Variants in AFF3 observed in about 807,000 individuals in gnomAD.
AFF3 encodes ALF transcription elongation factor 3.
Under a neutral mutation model 129.7 loss-of-function variants are expected in AFF3, and 32 were observed. That is an observed-to-expected ratio of 0.25 (90% CI 0.19 to 0.33). The LOEUF (loss-of-function observed/expected upper bound fraction) is 0.33, where lower values mean the gene tolerates loss of function less well. Among genes scored for constraint, AFF3 ranks in the 10% least tolerant of loss-of-function variants. The probability of loss-of-function intolerance (pLI) is 1.00; values close to 1 mark genes in which losing one functional copy is unlikely to be tolerated. For synonymous variants in AFF3, 644 were observed against 635.4 expected (o/e 1.01, Z -0.20); for missense variants, 1,373 against 1,592.0 (o/e 0.86, Z 2.34).
At chr2:99,553,917 C>CAAAAAAAAAAAAAAAAAAAAAAAAAAAA (rs1674649199) in intron 24 of AFF3, among the ~76,000 whole-genome samples, 1 of 72,452 alleles carries the variant, frequency 1.4e-5, no homozygotes, top group Non-Finnish European at 2.4e-5. Flanking sequence ...CTGTCTCAAA[C>CAAAAAAAAAAAAAAAAAAAAAAAAAAAA]CAAAAAAAAA....
intron 8 of AFF3, among the ~76,000 whole-genome samples, chr2:99,790,583 C>T (rs536192676): frequency 6.6e-6 from 1 of 152,172 alleles, no homozygotes; most frequent in Non-Finnish European, 1.5e-5. Flanking sequence ...AGGTTTCAAA[C>T]AGGGGCAATG....
At chr2:99,621,886 G>T (rs1357776199) in intron 13 of AFF3, among the ~76,000 whole-genome samples, 1 of 152,146 alleles carries the variant, frequency 6.6e-6, no homozygotes, top group Non-Finnish European at 1.5e-5. Flanking sequence ...AGGGCGAGTT[G>T]TGTGGGGGAA....
chr2:100,119,072 G>T (rs1691846658), intron 2 of AFF3, among the ~76,000 whole-genome samples: 1 of 152,214 alleles, frequency 6.6e-6, no homozygotes, highest in South Asian at 2.1e-4. Flanking sequence ...GAAGTGCTGG[G>T]ATTACAGACG....
chr2:100,104,592 C>A, intron 3 of AFF3, 74 bp from the exon 4 acceptor site: 2 of 1,009,362 alleles, frequency 2.0e-6, no homozygotes, highest in Non-Finnish European at 2.4e-6. Flanking sequence ...CCGCCCACCC[C>A]CAGGTCGGGG....
chr2:99,959,696 C>CATATATATATATAT (rs58551565), intron 7 of AFF3, among the ~76,000 whole-genome samples: 1 of 138,122 alleles, frequency 7.2e-6, no homozygotes, highest in African/African-American at 2.6e-5. Context: ...TAGTGTATAG[C>CATATATATATATAT]ATATATATAT....
intron 9 of AFF3, among the ~76,000 whole-genome samples, chr2:99,745,198 C>G (rs6739478): frequency 6.6e-6 from 1 of 151,990 alleles, no homozygotes; most frequent in Non-Finnish European, 1.5e-5. Context: ...CTATTCAAGT[C>G]CTTTGCCATT....
intron 4 of AFF3, among the ~76,000 whole-genome samples, chr2:100,019,811 C>A (rs576127543): frequency 6.6e-6 from 1 of 152,100 alleles, no homozygotes; most frequent in African/African-American, 2.4e-5. Context: ...AGTCTTCACG[C>A]CCTTTCCTCC....
intron 4 of AFF3, among the ~76,000 whole-genome samples, chr2:100,045,998 T>A (rs565462669): frequency 9.9e-5 from 15 of 152,072 alleles, no homozygotes; most frequent in South Asian, 2.1e-4. Flanking sequence ...TGCATGAGGG[T>A]TGGCACCTCT....
intron 16 of AFF3, 90 bp downstream of exon 16, chr2:99,587,064 A>C (rs547122733): frequency 6.4e-7 from 1 of 1,561,408 alleles, no homozygotes; most frequent in East Asian, 2.3e-5. Context: ...AGTAGTCCTC[A>C]AAAAGCCTGA....
At chr2:99,592,289 C>T (rs1010886306) in intron 15 of AFF3, among the ~76,000 whole-genome samples, 26 of 152,182 alleles carry the variant, frequency 1.7e-4, no homozygotes, top group Non-Finnish European at 3.2e-4. Flanking sequence ...TGACCCTGGA[C>T]GTATTCAAAT....
chr2:100,055,749 A>G (rs1686717763), intron 4 of AFF3, among the ~76,000 whole-genome samples: 1 of 152,196 alleles, frequency 6.6e-6, no homozygotes. Context: ...AAGCAGCCTT[A>G]AACAATACAT....
At chr2:100,077,653 C>A (rs930925027) in intron 4 of AFF3, among the ~76,000 whole-genome samples, 1 of 152,160 alleles carries the variant, frequency 6.6e-6, no homozygotes, top group Non-Finnish European at 1.5e-5. Context: ...CTGATCTAAT[C>A]CAATCTAGGA....
chr2:99,944,046 T>A (rs1039438247), intron 7 of AFF3, among the ~76,000 whole-genome samples: 2 of 152,040 alleles, frequency 1.3e-5, no homozygotes, highest in Non-Finnish European at 2.9e-5. Context: ...ACTATAGGCA[T>A]GCACCACCAT....
At position 99,816,397 on chromosome 2, in the gene AFF3, T is replaced by C. The variant is rs568337862; in HGVS notation, c.921+21080A>G. 7.9e-5 allele frequency among the ~76,000 whole-genome samples: 12 copies of C among 152,348 alleles called. No homozygotes were observed. In the South Asian group the frequency reaches 8.3e-4, roughly 11 times the overall value. On this transcript the variant is annotated intron_variant, in intron 8 of 24. Coordinates refer to ENST00000672756, the MANE Select transcript of AFF3 (RefSeq NM_001386135.1). ...CAGACTGTTATTTCTTGCTGTTTTG[T>C]AAGTCTTGTAATTTTTTGTTGAAAG...
intron 4 of AFF3, among the ~76,000 whole-genome samples, chr2:100,022,906 A>T (rs968024042): frequency 5.3e-5 from 8 of 152,214 alleles, no homozygotes; most frequent in African/African-American, 1.9e-4. Context: ...TTGGGCATTT[A>T]GTTGTATACA....
intron 7 of AFF3, among the ~76,000 whole-genome samples, chr2:99,935,508 G>A (rs1476163180): frequency 6.6e-6 from 1 of 152,198 alleles, no homozygotes; most frequent in Non-Finnish European, 1.5e-5. Context: ...TTACTGAGAA[G>A]ACACATTCTC....
intron 11 of AFF3, among the ~76,000 whole-genome samples, chr2:99,720,421 G>A (rs548952508): frequency 4.7e-4 from 71 of 152,190 alleles, no homozygotes; most frequent in African/African-American, 1.7e-3. Flanking sequence ...TTCCCTCTTC[G>A]CACCTGCCCA....
chr2:99,786,766 G>A (rs138941105), intron 8 of AFF3, among the ~76,000 whole-genome samples: 1 of 152,270 alleles, frequency 6.6e-6, no homozygotes, highest in East Asian at 1.9e-4. Context: ...GCTGGCTTTA[G>A]TGATGGATTC....
chr2:100,121,510 A>G (rs1207805876), intron 2 of AFF3, among the ~76,000 whole-genome samples: 1 of 152,214 alleles, frequency 6.6e-6, no homozygotes, highest in Non-Finnish European at 1.5e-5. Context: ...AGGCAGTAAT[A>G]CCTGGCACAC....
Sources: allele counts gnomAD v4.1 joint callset (sites outside exome capture counted in the v4.1 genomes callset), GRCh38; gene constraint gnomAD v4.1.1; transcripts MANE v1.5; gene names NCBI Gene and HGNC (gene_info 2026-07-23, HGNC 2026-07-21).